The following ZNF728 variants were observed in gnomAD, a reference collection of about 807,000 sequenced individuals.
The protein encoded by ZNF728 is zinc finger protein 728.
ZNF728 carries 12 observed loss-of-function variants against 12.5 expected under a neutral mutation model. The ratio of observed to expected loss-of-function variants is 0.96; its 90% confidence interval spans 0.61 to 1.55. The LOEUF is 1.55. Among genes scored for constraint, ZNF728 ranks in the 40% most tolerant of loss-of-function variants. The pLI, the probability that ZNF728 is intolerant of heterozygous loss-of-function variation, is 0.00. For synonymous variants in ZNF728, 205 were observed against 240.7 expected (o/e 0.85, Z 1.37); for missense variants, 692 against 719.2 (o/e 0.96, Z 0.43).
At position 22,976,352 on chromosome 19, in the gene ZNF728, C is replaced by T. The variant is rs1300537057; in HGVS notation, c.985G>A (p.Glu329Lys). 6.2e-7 allele frequency: 1 copy of T among 1,608,320 alleles called. No homozygotes were observed. Among genetic ancestry groups the T allele is most frequent in the Middle Eastern group, 1.7e-4 (1 of 5,972 alleles). The change falls in exon 4 of 4, where the codon GAA becomes AAA. Residue 329 changes from glutamate to lysine, a missense_variant. Physicochemically the swap from Glu to Lys is moderately conservative, Grantham distance 56. Around this residue, in one of 3 missense-constraint regions of ZNF728, gnomAD observed 440 missense variants for 459.6 expected, o/e 0.96. Transcript: ENST00000594710. ...TCTCCAGTATGAATTCTCTTATGTT[C>T]CATAAGGTTTGAGGACCGGTTGAAA... ...KAFNRSSNLM[E>K]HKRIHTGEKP...
At position 23,002,971 on chromosome 19, in the gene ZNF728, C is replaced by T. The variant is rs950060393; in HGVS notation, c.3+57G>A. ...CCTGAGTCCCGCCACAGCCACTTCCCACCGGTTCCAACCAGCGGCTGCCAC... is the reference window on the plus strand; with the variant it reads ...CCTGAGTCCCGCCACAGCCACTTCCTACCGGTTCCAACCAGCGGCTGCCAC... On this transcript the variant is annotated intron_variant, in intron 1 of 3. Coordinates refer to ENST00000594710, the MANE Select transcript of ZNF728 (RefSeq NM_001267716.2). 54 of 1,587,064 alleles carry T rather than the reference C, an allele frequency of 3.4e-5. No individual in the cohort carries two copies. In the African/African-American group the frequency reaches 6.5e-4, roughly 19 times the overall value.
At chr19:22,991,743 G>A (rs1234281105) in intron 1 of ZNF728, among the ~76,000 whole-genome samples, 2 of 152,134 alleles carry the variant, frequency 1.3e-5, no homozygotes, top group Non-Finnish European at 2.9e-5. Flanking sequence ...AAGACTCCGG[G>A]GTAGAGCCAG....
chr19:22,990,290 C>T (rs1599531372), intron 1 of ZNF728, among the ~76,000 whole-genome samples: 3 of 151,964 alleles, frequency 2.0e-5, no homozygotes. Flanking sequence ...TTCTCTTTCT[C>T]CTCCTTTTCT....
At chr19:22,984,238 C>T (rs1209372256) in intron 3 of ZNF728, among the ~76,000 whole-genome samples, 5 of 133,756 alleles carry the variant, frequency 3.7e-5, no homozygotes, top group Non-Finnish European at 6.2e-5. Flanking sequence ...AACTCAAATG[C>T]AAGTATACAA....
At chr19:22,980,307 G>A (rs1490333925) in intron 3 of ZNF728, among the ~76,000 whole-genome samples, 1 of 151,858 alleles carries the variant, frequency 6.6e-6, no homozygotes, top group Non-Finnish European at 1.5e-5. Context: ...ATGGTAAAGG[G>A]GTCAATGCAA....
chr19:22,978,429 A>G (rs1315100013), intron 3 of ZNF728, among the ~76,000 whole-genome samples: 1 of 152,260 alleles, frequency 6.6e-6, no homozygotes, highest in Non-Finnish European at 1.5e-5. Flanking sequence ...TATGTCTTCC[A>G]TAGGAAAGAT....
intron 3 of ZNF728, among the ~76,000 whole-genome samples, chr19:22,985,188 G>A (rs1021210532): frequency 1.3e-5 from 2 of 152,128 alleles, no homozygotes; most frequent in African/African-American, 4.8e-5. Flanking sequence ...AAAATGAAAT[G>A]AGTCAGCTGC....
At chr19:23,001,480 A>T (rs1599535716) in intron 1 of ZNF728, among the ~76,000 whole-genome samples, 1 of 152,172 alleles carries the variant, frequency 6.6e-6, no homozygotes, top group African/African-American at 2.4e-5. Context: ...GGAGAAAAAG[A>T]CCCAGGAGCT....
chr19:23,001,572 A>G (rs1969114295), intron 1 of ZNF728, among the ~76,000 whole-genome samples: 1 of 152,214 alleles, frequency 6.6e-6, no homozygotes. Flanking sequence ...CTCAAGTCCA[A>G]GAAAAAACTG....
At chr19:23,000,695 C>T (rs1969099333) in intron 1 of ZNF728, among the ~76,000 whole-genome samples, 1 of 151,550 alleles carries the variant, frequency 6.6e-6, no homozygotes, top group Non-Finnish European at 1.5e-5. Context: ...TGGCAAACCC[C>T]CATCTCTACT....
chr19:22,984,613 C>T (rs1968896229), intron 3 of ZNF728, among the ~76,000 whole-genome samples: 1 of 140,674 alleles, frequency 7.1e-6, no homozygotes, highest in Admixed American at 7.0e-5. Context: ...CACACACACA[C>T]ACATATACAC....
intron 1 of ZNF728, among the ~76,000 whole-genome samples, chr19:22,993,876 T>C (rs1599532665): frequency 3.9e-5 from 6 of 152,212 alleles, no homozygotes; most frequent in Admixed American, 3.3e-4. Flanking sequence ...CTAAAAGGAC[T>C]TGCATTCCTC....
At position 22,988,433 on chromosome 19, in the gene ZNF728, C is replaced by A; in HGVS notation, c.22G>T (p.Asp8Tyr). Reference sequence around the variant, plus strand: ...TCCAGAGAGAATTGTATGGCCACATCCCGAAATGTCAACGATCCCTGGAAA... The same window carrying A: ...TCCAGAGAGAATTGTATGGCCACATACCGAAATGTCAACGATCCCTGGAAA... Reference protein sequence around the residue: MGSLTFRDVAIQFSLEEW... With the variant: MGSLTFRYVAIQFSLEEW... Residue 8 changes from aspartate to tyrosine, a missense_variant, in exon 2 of 4, where the codon GAT becomes TAT. This residue lies in a region of ZNF728 where 440 missense variants were observed against 459.6 expected (regional missense o/e 0.96). Transcript: ENST00000594710. 2 of 1,614,012 alleles carry A rather than the reference C, an allele frequency of 1.2e-6. No homozygotes were observed. Among genetic ancestry groups the A allele is most frequent in the Non-Finnish European group, 8.5e-7 (1 of 1,179,966 alleles).
chr19:22,981,097 G>T (rs964203539), intron 3 of ZNF728, among the ~76,000 whole-genome samples: 4 of 119,050 alleles, frequency 3.4e-5, no homozygotes, highest in African/African-American at 1.3e-4. Flanking sequence ...TCCAGGGGCT[G>T]ATTTTTTGAA....
chr19:23,002,703 G>A (rs1158565325), intron 1 of ZNF728, among the ~76,000 whole-genome samples: 1 of 152,166 alleles, frequency 6.6e-6, no homozygotes, highest in Non-Finnish European at 1.5e-5. Context: ...CCCACACGCC[G>A]AGTCAGGATT....
intron 1 of ZNF728, among the ~76,000 whole-genome samples, chr19:23,000,196 C>T (rs1468676916): frequency 2.0e-4 from 31 of 151,616 alleles, no homozygotes; most frequent in African/African-American, 7.5e-4. Flanking sequence ...GCTAATATGG[C>T]GAAACCCCGT....
chr19:22,996,627 C>A (rs1458932729), intron 1 of ZNF728, among the ~76,000 whole-genome samples: 2 of 152,060 alleles, frequency 1.3e-5, no homozygotes, highest in Admixed American at 1.3e-4. Context: ...AAAAATATAA[C>A]CTTTTGCCAA....
chr19:22,989,043 C>A, intron 1 of ZNF728, among the ~76,000 whole-genome samples: 1 of 108,240 alleles, frequency 9.2e-6, no homozygotes. Context: ...AAGAGCGAAA[C>A]TCCATCTCAA....
chr19:22,986,851 T>C (rs1327026548), intron 3 of ZNF728, among the ~76,000 whole-genome samples: 1 of 152,016 alleles, frequency 6.6e-6, no homozygotes, highest in Non-Finnish European at 1.5e-5. Flanking sequence ...TTCAAGACTA[T>C]AGTAATAAAA....
Sources: allele counts gnomAD v4.1 joint callset (sites outside exome capture counted in the v4.1 genomes callset), GRCh38; gene constraint gnomAD v4.1.1; regional missense constraint gnomAD v4.1.1; transcripts MANE v1.5; gene names NCBI Gene and HGNC (gene_info 2026-07-23, HGNC 2026-07-21).